Variants in CASD1 observed in about 807,000 individuals in gnomAD.
CASD1 encodes CAS1 domain sialic acid O acetyltransferase 1.
CASD1 carries 41 observed loss-of-function variants against 100.0 expected under a neutral mutation model. The observed-to-expected ratio is 0.41, with a 90% confidence interval of 0.32 to 0.53. The LOEUF (loss-of-function observed/expected upper bound fraction) is 0.53. CASD1 is among the 20% of genes least tolerant of loss of function. CASD1 has a pLI of 0.25. For synonymous variants in CASD1, 321 were observed against 315.6 expected (o/e 1.02, Z -0.18); for missense variants, 774 against 948.7 (o/e 0.82, Z 2.42).
chr7:94,633,155 T>A, the CASD1 span, among the ~76,000 whole-genome samples: 2 of 151,824 alleles, frequency 1.3e-5, no homozygotes, highest in African/African-American at 4.8e-5. Flanking sequence ...CGGCTGCAAA[T>A]CCATTACCTC....
chr7:94,554,776 C>G (rs933891444), intron 17 of CASD1, among the ~76,000 whole-genome samples: 2 of 151,946 alleles, frequency 1.3e-5, no homozygotes, highest in African/African-American at 2.4e-5. Flanking sequence ...TGTTTTTAAG[C>G]CTTATTTTTA....
At chr7:94,599,893 A>G in the CASD1 span, 8 of 586,156 alleles carry the variant, frequency 1.4e-5, no homozygotes, top group Non-Finnish European at 2.4e-5. Context: ...ATGAGTACAC[A>G]TACAGCGATG....
At chr7:94,630,684 C>T in the CASD1 span, among the ~76,000 whole-genome samples, 1 of 151,906 alleles carries the variant, frequency 6.6e-6, no homozygotes, top group Non-Finnish European at 1.5e-5. Flanking sequence ...CACATTATTG[C>T]CGTTACTCTT....
chr7:94,530,009 G>C (rs1346869505), intron 5 of CASD1, among the ~76,000 whole-genome samples: 1 of 152,088 alleles, frequency 6.6e-6, no homozygotes, highest in South Asian at 2.1e-4. Context: ...TAGGCACTAA[G>C]CTAGACACTG....
At chr7:94,584,868 G>A in the CASD1 span, 1 of 152,184 alleles carries the variant, frequency 6.6e-6, no homozygotes, top group Non-Finnish European at 1.5e-5. Flanking sequence ...ATTCCAGTAG[G>A]TGTAGCTGTA....
intron 10 of CASD1, among the ~76,000 whole-genome samples, chr7:94,540,250 G>T (rs149730145): frequency 1.1e-3 from 167 of 152,210 alleles, no homozygotes; most frequent in African/African-American, 3.5e-3. Flanking sequence ...CATAATTTGG[G>T]AACTACTGAA....
intron 17 of CASD1, 39 bp from the exon 18 acceptor site, chr7:94,555,453 C>A (rs1796155414): frequency 1.3e-6 from 2 of 1,577,714 alleles, no homozygotes; most frequent in Non-Finnish European, 8.6e-7. Flanking sequence ...TATTCATGGA[C>A]CCTCTATAAA....
At chr7:94,545,814 A>T (rs1429856031) in intron 12 of CASD1, 113 bp downstream of exon 12, 1 of 598,634 alleles carries the variant, frequency 1.7e-6, no homozygotes, top group African/African-American at 1.9e-5. Flanking sequence ...GTTTAAATTT[A>T]TATGTAGTTT....
chr7:94,573,067 G>C, the CASD1 span, among the ~76,000 whole-genome samples: 6 of 152,064 alleles, frequency 3.9e-5, no homozygotes, highest in Non-Finnish European at 8.8e-5. Flanking sequence ...CCTCTATTCT[G>C]TTCCATTGGT....
the CASD1 span, among the ~76,000 whole-genome samples, chr7:94,568,995 A>G: frequency 6.6e-6 from 1 of 152,216 alleles, no homozygotes; most frequent in African/African-American, 2.4e-5. Flanking sequence ...TAAGAGGGGA[A>G]GCAGTATAAG....
chr7:94,586,709 G>T, the CASD1 span: 1 of 316,946 alleles, frequency 3.2e-6, no homozygotes, highest in Non-Finnish European at 4.6e-6. Flanking sequence ...GCCATGTCGG[G>T]CAGGCTGGTC....
chr7:94,573,087 T>C, the CASD1 span, among the ~76,000 whole-genome samples: 2 of 152,218 alleles, frequency 1.3e-5, no homozygotes, highest in African/African-American at 2.4e-5. Flanking sequence ...TCTGTGTTCC[T>C]GTTTTTGTAC....
chr7:94,510,777 G>A (rs1284310018), intron 1 of CASD1, among the ~76,000 whole-genome samples: 2 of 152,272 alleles, frequency 1.3e-5, no homozygotes, highest in Non-Finnish European at 2.9e-5. Context: ...TTTGCCAAAA[G>A]GGCGACAGCT....
chr7:94,569,756 C>G, the CASD1 span, among the ~76,000 whole-genome samples: 1 of 150,716 alleles, frequency 6.6e-6, no homozygotes, highest in African/African-American at 2.4e-5. Context: ...AAGTGTGTCT[C>G]TTGTAGACAG....
the CASD1 span, among the ~76,000 whole-genome samples, chr7:94,580,230 CT>C: frequency 6.6e-6 from 1 of 152,064 alleles, no homozygotes; most frequent in South Asian, 2.1e-4. Flanking sequence ...ATTTTTCATT[CT>C]TAACATCCTT....
chr7:94,572,821 A>G, the CASD1 span, among the ~76,000 whole-genome samples: 1 of 152,014 alleles, frequency 6.6e-6, no homozygotes, highest in Non-Finnish European at 1.5e-5. Flanking sequence ...TATGCCCAGG[A>G]TGGTATTGCC....
chr7:94,611,631 TA>T, the CASD1 span, among the ~76,000 whole-genome samples: 1 of 152,218 alleles, frequency 6.6e-6, no homozygotes, highest in Admixed American at 6.5e-5. Context: ...ACATTTTAGA[TA>T]GGTGCATTGT....
the CASD1 span, chr7:94,598,562 G>A: frequency 4.9e-5 from 28 of 575,986 alleles, no homozygotes; most frequent in Non-Finnish European, 8.4e-5. Context: ...ATGTAGTCTT[G>A]TTTGGATCAG....
chr7:94,526,495 A>G (rs942910662), intron 3 of CASD1, among the ~76,000 whole-genome samples: 2 of 152,252 alleles, frequency 1.3e-5, no homozygotes, highest in Non-Finnish European at 2.9e-5. Context: ...TGAGATGAAT[A>G]GTAATACAAG....
Sources: allele counts gnomAD v4.1 joint callset (sites outside exome capture counted in the v4.1 genomes callset), GRCh38; gene constraint gnomAD v4.1.1; transcripts MANE v1.5; gene names NCBI Gene and HGNC (gene_info 2026-07-23, HGNC 2026-07-21).